ZNF880: variants seen among roughly 807,000 people sequenced by gnomAD.
ZNF880 encodes the protein zinc finger protein LOC400713.
Under a neutral mutation model 11.8 loss-of-function variants are expected in ZNF880, and 12 were observed. The observed-to-expected ratio is 1.02, with a 90% CI of 0.65 to 1.65. The LOEUF is 1.65. Among genes scored for constraint, ZNF880 ranks in the 40% most tolerant of loss-of-function variants. The pLI, the probability that ZNF880 is intolerant of heterozygous loss-of-function variation, is 0.00. For synonymous variants in ZNF880, 210 were observed against 232.4 expected, an observed-to-expected ratio of 0.90 and a Z score of 0.88; for missense variants, 601 against 673.9, an observed-to-expected ratio of 0.89 and a Z score of 1.20.
rs751130783 is a variant in ZNF880 at position 52,374,564 on chromosome 19, T to C, written c.268+137T>C. 8 of 1,033,796 alleles carry C rather than the reference T, an allele frequency of 7.7e-6. 1 individual carries two copies. In the South Asian group the frequency reaches 1.1e-4, roughly 14 times the overall value. The allele number at this position is 1,033,796 out of a possible 1,614,324, so 64.0% of individuals were successfully genotyped here. A position where few individuals can be genotyped will look rare whatever the true frequency, so the allele number is the denominator to read the frequency against. On this transcript the variant is annotated intron_variant, in intron 3 of 3. Transcript: ENST00000422689. The stretch of plus-strand genomic sequence containing the variant: ...GGCTTAACTCATAGCCTCAAACTCC[T>C]GGTCTCAAGTGATCCTCCTTCCTCT...
the ZNF880 span, among the ~76,000 whole-genome samples, chr19:52,391,985 G>T: frequency 6.6e-6 from 1 of 152,162 alleles, no homozygotes; most frequent in Non-Finnish European, 1.5e-5. Flanking sequence ...TTTTTCATCA[G>T]ATAAAAACTG....
chr19:52,393,839 T>TC, the ZNF880 span, among the ~76,000 whole-genome samples: 1 of 133,954 alleles, frequency 7.5e-6, no homozygotes, highest in Non-Finnish European at 1.6e-5. Flanking sequence ...CCCCCCCTTT[T>TC]TTTTTTTTTT....
downstream of ZNF880, chr19:52,389,872 A>G (rs2058701261): frequency 6.6e-6 from 1 of 152,252 alleles, no homozygotes; most frequent in Admixed American, 6.5e-5. Flanking sequence ...GGTCAGAACC[A>G]TTCAACAACC....
chr19:52,367,876 T>C (rs1986188161), upstream of ZNF880: 1 of 151,936 alleles, frequency 6.6e-6, no homozygotes. Flanking sequence ...ATGACAAATA[T>C]TAGGAAATAA....
At chr19:52,382,845 GA>G (rs1986743427) in intron 3 of ZNF880, among the ~76,000 whole-genome samples, 1 of 152,130 alleles carries the variant, frequency 6.6e-6, no homozygotes, top group Non-Finnish European at 1.5e-5. Flanking sequence ...TTAGATTGGG[GA>G]TGTTTGAACA....
chr19:52,392,537 G>C, the ZNF880 span: 1 of 156,530 alleles, frequency 6.4e-6, no homozygotes, highest in East Asian at 1.9e-4. Flanking sequence ...CTGACCTCAA[G>C]TGATCTGCCT....
intron 1 of ZNF880, among the ~76,000 whole-genome samples, chr19:52,372,610 G>A (rs1986410677): frequency 6.8e-6 from 1 of 147,748 alleles, no homozygotes; most frequent in East Asian, 2.2e-4. Flanking sequence ...CTAATTTAAA[G>A]AATATCAGGT....
At chr19:52,395,135 G>A in the ZNF880 span, among the ~76,000 whole-genome samples, 1 of 151,640 alleles carries the variant, frequency 6.6e-6, no homozygotes, top group Non-Finnish European at 1.5e-5. Context: ...TATTTTTTTT[G>A]TCCTGTCCTC....
intron 3 of ZNF880, among the ~76,000 whole-genome samples, chr19:52,381,510 A>C (rs1039369320): frequency 1.9e-4 from 29 of 152,206 alleles, no homozygotes; most frequent in Non-Finnish European, 1.5e-5. Context: ...GATGGGATTT[A>C]GTAAATCTTG....
At chr19:52,386,285 T>C (rs1157654581), downstream of ZNF880, among the ~76,000 whole-genome samples, 1 of 143,678 alleles carries the variant, frequency 7.0e-6, no homozygotes, top group Non-Finnish European at 1.5e-5. Context: ...CGTTTTCTTA[T>C]TATTGTCTGA....
chr19:52,391,670 T>TAC, the ZNF880 span: 11 of 152,180 alleles, frequency 7.2e-5, no homozygotes, highest in African/African-American at 2.7e-4. Context: ...GTTTAAAATA[T>TAC]ACAGATGAAG....
chr19:52,385,281 C>A lies in ZNF880; in HGVS notation c.1701C>A (p.His567Gln), dbSNP rs774770116. The change falls in exon 4 of 4, where the codon CAC becomes CAA. Residue 567 changes from histidine (H) to glutamine (Q), a missense_variant. Coordinates refer to ENST00000422689, the MANE Select transcript of ZNF880 (RefSeq NM_001145434.2). ...GAAATTCAAACCTGGCAAATCATCA[C>A]AGAATCCATACTGGAGAGAAACCGT... ...FTRNSNLANHHRIHTGEKPYR is the reference protein window; with the variant it reads ...FTRNSNLANHQRIHTGEKPYR 52 of 1,551,730 alleles carry A rather than the reference C, an allele frequency of 3.4e-5. No homozygotes were observed. The highest frequency in any genetic ancestry group is 1.7e-4 in the Middle Eastern group (1 of 6,014).
At chr19:52,380,302 G>T (rs1568663190) in intron 3 of ZNF880, among the ~76,000 whole-genome samples, 3 of 148,752 alleles carry the variant, frequency 2.0e-5, no homozygotes, top group Admixed American at 6.7e-5. Flanking sequence ...TGTCTTTTGG[G>T]TTTTTTTTTT....
intron 2 of ZNF880, 69 bp downstream of exon 2, chr19:52,373,306 T>G: frequency 6.7e-7 from 1 of 1,499,534 alleles, no homozygotes; most frequent in Non-Finnish European, 9.1e-7. Context: ...CGTGTGCCTC[T>G]TAGCATCTTA....
In ZNF880 at chr19:52,383,938, C is replaced by A; in HGVS notation, c.358C>A (p.Gln120Lys). Residue 120 changes from glutamine to lysine, a missense_variant, in exon 4 of 4, where the codon CAG (glutamine) becomes AAG (lysine). Physicochemically the swap from Gln to Lys is moderately conservative, Grantham distance 53 (BLOSUM62 1). This residue lies in a region of ZNF880 where 420 missense variants were observed against 442.6 expected (regional missense o/e 0.95). Coordinates refer to ENST00000422689, the MANE Select transcript of ZNF880 (RefSeq NM_001145434.2). ...CTTTCAGTTACATCTGAGTGAACTG[C>A]AGCTATTTCAAGCTGAAAGGAATAT... The part of the protein sequence containing the change: ...LTFQLHLSEL[Q>K]LFQAERNISG... The A allele has an allele frequency of 6.4e-7, 1 of 1,558,552 alleles. No individual in the cohort carries two copies. Among genetic ancestry groups the A allele is most frequent in the Non-Finnish European group, 8.7e-7 (1 of 1,150,472 alleles).
rs35788651 is a variant in ZNF880, at chr19:52,373,669, A to ATTTTTT, written c.139+450_139+455dup. On this transcript the variant is annotated intron_variant, in intron 2 of 3. Coordinates refer to ENST00000422689, the MANE Select transcript of ZNF880 (RefSeq NM_001145434.2). ...GGATGAATTCATGTGAAATACTGTA[A>ATTTTTT]TTTTTTTTTTTTTTTTTTTTTTTGA... 1.3e-4 allele frequency among the ~76,000 whole-genome samples: 13 copies of ATTTTTT among 102,566 alleles called. 1 individual carries two copies. The highest frequency in any genetic ancestry group is 3.4e-4 in the South Asian group (1 of 2,910). 67.3% of individuals were successfully genotyped at this position (102,566 alleles called of 152,430 possible).
At chr19:52,393,961 C>T in the ZNF880 span, among the ~76,000 whole-genome samples, 2 of 151,736 alleles carry the variant, frequency 1.3e-5, no homozygotes, top group Non-Finnish European at 2.9e-5. Context: ...CTCGGCCTCC[C>T]CAGTAGCTGG....
chr19:52,369,630 C>T (rs963545948), upstream of ZNF880, among the ~76,000 whole-genome samples: 13 of 152,132 alleles, frequency 8.5e-5, no homozygotes, highest in Non-Finnish European at 1.8e-4. Flanking sequence ...GCCTCCACCT[C>T]ATGGGCTCAA....
downstream of ZNF880, chr19:52,389,085 A>G (rs547376745): frequency 1.3e-5 from 2 of 152,274 alleles, no homozygotes; most frequent in African/African-American, 4.8e-5. Context: ...TCCCTCCCAC[A>G]TGTGGGGATC....
Sources: gnomAD v4.1 joint callset for allele counts (sites outside exome capture counted in the v4.1 genomes callset) on GRCh38, gnomAD v4.1.1 for gene constraint, gnomAD v4.1.1 regional missense constraint, MANE v1.5 for transcripts, NCBI Gene and HGNC (gene_info 2026-07-23, HGNC 2026-07-21) for gene names.